Variants in TAF4 observed in about 807,000 individuals in gnomAD.
TAF4 encodes the protein transcription initiation factor TFIID subunit 4.
TAF4 carries 9 observed loss-of-function variants against 90.3 expected under a neutral mutation model. The observed-to-expected ratio is 0.10, with a 90% CI of 0.06 to 0.17. TAF4 has a LOEUF of 0.17. Among genes scored for constraint, TAF4 ranks in the 10% least tolerant of loss-of-function variants. The probability of loss-of-function intolerance (pLI) is 1.00; values close to 1 mark genes in which losing one functional copy is unlikely to be tolerated. For missense variants in TAF4, 1,351 were observed against 1,370.7 expected (o/e 0.99, Z 0.23); for synonymous variants, 818 against 638.9 (o/e 1.28, Z -4.23).
chr20:62,063,126 G>C (rs572057922), intron 1 of TAF4, among the ~76,000 whole-genome samples: 3 of 152,124 alleles, frequency 2.0e-5, no homozygotes, highest in African/African-American at 7.2e-5. Flanking sequence ...AGCAACCCCG[G>C]GAAGTAGCTT....
chr20:61,976,628 C>A (rs1444437850), intron 14 of TAF4, among the ~76,000 whole-genome samples: 1 of 152,226 alleles, frequency 6.6e-6, no homozygotes, highest in African/African-American at 2.4e-5. Context: ...GGGGGTGGCA[C>A]CCACCCAAGG....
intron 1 of TAF4, among the ~76,000 whole-genome samples, chr20:62,035,138 CA>C (rs1032130063): frequency 6.6e-6 from 1 of 152,066 alleles, no homozygotes; most frequent in Non-Finnish European, 1.5e-5. Context: ...TCAGTTCTCC[CA>C]AAATTGACCC....
At chr20:62,032,226 TGA>T (rs890773806) in intron 1 of TAF4, among the ~76,000 whole-genome samples, 10 of 152,246 alleles carry the variant, frequency 6.6e-5, no homozygotes, top group Non-Finnish European at 1.3e-4. Context: ...TCTGCTTTTC[TGA>T]GAGGACAAGG....
chr20:61,994,200 T>C (rs1364122139), intron 14 of TAF4, among the ~76,000 whole-genome samples: 1 of 152,246 alleles, frequency 6.6e-6, no homozygotes, highest in Non-Finnish European at 1.5e-5. Context: ...GTTGTTGTTG[T>C]TCAGAATTTC....
At chr20:61,996,299 C>T (rs1199232646) in intron 14 of TAF4, among the ~76,000 whole-genome samples, 1 of 150,608 alleles carries the variant, frequency 6.6e-6, no homozygotes, top group Non-Finnish European at 1.5e-5. Context: ...GGAGGATCAC[C>T]TGAGCCCGGG....
chr20:62,052,653 C>T (rs1018572238), intron 1 of TAF4, among the ~76,000 whole-genome samples: 9 of 151,844 alleles, frequency 5.9e-5, no homozygotes, highest in African/African-American at 1.9e-4. Context: ...TGAACACCAC[C>T]GTCCCCACAT....
In TAF4 at chr20:62,064,715, G is replaced by T. The variant is rs1284361904; in HGVS notation, c.1096C>A (p.Pro366Thr). 1 of 1,231,860 alleles carries T rather than the reference G, an allele frequency of 8.1e-7. No homozygotes were observed. The highest frequency in any genetic ancestry group is 1.0e-6 in the Non-Finnish European group (1 of 989,540). 76.3% of individuals were successfully genotyped at this position (1,231,860 alleles called of 1,614,324 possible). Residue 366 changes from proline to threonine, a missense_variant, in exon 1 of 15, where the codon CCG becomes ACG. Pro to Thr is a conservative substitution (Grantham distance 38). Transcript: ENST00000252996. The part of the protein sequence containing the change: ...PAAQTLAASG[P>T]ASTAASMVIG... ...ACCATGCTGGCCGCCGTGCTGGCCGGGCCGCTGGCCGCCAGGGTCTGCGCC... is the reference window on the plus strand; with the variant it reads ...ACCATGCTGGCCGCCGTGCTGGCCGTGCCGCTGGCCGCCAGGGTCTGCGCC...
rs765325175 is a variant in TAF4 at position 62,012,856 on chromosome 20, C to T, written c.1600G>A (p.Val534Met). The T allele has an allele frequency of 1.9e-6, 3 of 1,614,150 alleles. No homozygotes were observed. The highest frequency in any genetic ancestry group is 1.7e-6 in the Non-Finnish European group (2 of 1,180,030). The part of the protein sequence containing the change: ...IKQVSQAQTT[V>M]QPSATLQRSP... ...CGCTGCAGGGTTGCACTGGGCTGCA[C>T]CGTTGTCTGGGCCTGAGACACTTGC... The change falls in exon 3 of 15, where the codon GTG becomes ATG. Residue 534 changes from valine (V) to methionine (M), a missense_variant. Physicochemically the swap from Val to Met is conservative, Grantham distance 21 (BLOSUM62 1). Transcript: ENST00000252996.
At chr20:62,017,113 C>T (rs2055816214) in intron 1 of TAF4, among the ~76,000 whole-genome samples, 1 of 151,640 alleles carries the variant, frequency 6.6e-6, no homozygotes, top group East Asian at 1.9e-4. Context: ...CACACTCCAG[C>T]CTGGACCACA....
At chr20:62,000,395 T>C in intron 10 of TAF4, 141 bp from the exon 11 acceptor site, 1 of 1,392,878 alleles carries the variant, frequency 7.2e-7, no homozygotes, top group Non-Finnish European at 9.7e-7. Context: ...AAGGCAGTGG[T>C]ACCCATATTT....
chr20:62,030,096 C>A (rs998743448), intron 1 of TAF4, among the ~76,000 whole-genome samples: 15 of 152,252 alleles, frequency 9.9e-5, no homozygotes, highest in Middle Eastern at 3.4e-3. Flanking sequence ...AGGCGAGCAG[C>A]GCAGCGGGCC....
Position 61,999,822 on chromosome 20 carries a change from G to A in TAF4, c.2787+302C>T, listed in dbSNP as rs548451894. 1.4e-4 allele frequency among the ~76,000 whole-genome samples: 21 copies of A among 152,276 alleles called. No homozygotes were observed. In the East Asian group the frequency reaches 2.5e-3, roughly 18 times the overall value. ...AAATTAGTTGGGCACGGTGGTGTGC[G>A]CCTGTAATCCCAGCTACTTGGGAGG... is the stretch of plus-strand genomic sequence containing the variant. On this transcript the variant is annotated intron_variant, in intron 11 of 14. Transcript: ENST00000252996.
At chr20:61,982,803 G>A (rs1014155148) in intron 14 of TAF4, among the ~76,000 whole-genome samples, 3 of 152,216 alleles carry the variant, frequency 2.0e-5, no homozygotes, top group Non-Finnish European at 4.4e-5. Context: ...TCTCAGAGCC[G>A]ACGGCAGGGC....
At chr20:61,977,472 A>G (rs1403965949) in intron 14 of TAF4, among the ~76,000 whole-genome samples, 1 of 152,362 alleles carries the variant, frequency 6.6e-6, no homozygotes, top group East Asian at 1.9e-4. Flanking sequence ...TGCTGTGAAC[A>G]GCCCTGACAT....
rs2055682843 is a variant in TAF4 at position 61,999,228 on chromosome 20, G to T, written c.2788-120C>A. Reference sequence around the variant, plus strand: ...CCTCCCTCCGTCCAGTCTGAATGCGGCGAGGACCCGATCCCTCCCACCCTG... The same window carrying T: ...CCTCCCTCCGTCCAGTCTGAATGCGTCGAGGACCCGATCCCTCCCACCCTG... On this transcript the variant is annotated intron_variant, in intron 11 of 14. Coordinates refer to ENST00000252996, the MANE Select transcript of TAF4 (RefSeq NM_003185.4). 6.9e-6 allele frequency: 9 copies of T among 1,308,276 alleles called. No individual in the cohort carries two copies. The African/African-American group carries it at 1.0e-4, about 15-fold the overall frequency. 81.0% of individuals were successfully genotyped at this position (1,308,276 alleles called of 1,614,324 possible).
At chr20:61,999,980 A>G in intron 11 of TAF4, 144 bp downstream of exon 11, 2 of 1,000,070 alleles carry the variant, frequency 2.0e-6, no homozygotes, top group South Asian at 2.9e-5. Flanking sequence ...CTAGTCCTAT[A>G]AGAAATCCAA....
chr20:62,012,468 C>A (rs1395820982), intron 3 of TAF4: 2 of 179,376 alleles, frequency 1.1e-5, no homozygotes, highest in Non-Finnish European at 2.3e-5. Context: ...TGTGCACACA[C>A]ACACTGTCCT....
intron 11 of TAF4, 43 bp downstream of exon 11, chr20:62,000,081 G>A (rs749688114): frequency 6.2e-7 from 1 of 1,614,058 alleles, no homozygotes; most frequent in Non-Finnish European, 8.5e-7. Context: ...GAGAGTGGGG[G>A]CCAACAACAT....
In TAF4 at chr20:61,997,560, G is replaced by A. The variant is rs201584478; in HGVS notation, c.3080C>T (p.Ser1027Leu). ...ACAACACTGCCGTACCTCTGCTCCT[G>A]AGCCCGGCCCCGGACAGTCCACTTT... ...KRKVDCPGPG[S>L]GAEGSGPGSV... The change falls in exon 14 of 15, where the codon TCA (serine) becomes TTA (leucine). Residue 1027 changes from serine to leucine, a missense_variant. By Grantham distance (145) the Ser-to-Leu change is moderately radical. Coordinates refer to ENST00000252996, the MANE Select transcript of TAF4 (RefSeq NM_003185.4). The A allele has an allele frequency of 8.4e-5, 135 of 1,597,652 alleles. No homozygotes were observed. The highest frequency in any genetic ancestry group is 1.0e-4 in the Non-Finnish European group (121 of 1,173,402).
Sources: gnomAD v4.1 joint callset for allele counts (sites outside exome capture counted in the v4.1 genomes callset) on GRCh38, gnomAD v4.1.1 for gene constraint, MANE v1.5 for transcripts, NCBI Gene and HGNC (gene_info 2026-07-23, HGNC 2026-07-21) for gene names.